Variants in CRYBG3 observed in about 807,000 individuals in gnomAD.
CRYBG3 encodes the protein crystallin beta-gamma domain containing 3, also known as very large A-kinase anchor protein.
Under a neutral mutation model 244.2 loss-of-function variants are expected in CRYBG3, and 127 were observed. The observed-to-expected ratio is 0.52, with a 90% CI of 0.45 to 0.60. The LOEUF (loss-of-function observed/expected upper bound fraction) is 0.60, where lower values mean the gene tolerates loss of function less well. CRYBG3 is among the 20% of genes least tolerant of loss of function. The probability of loss-of-function intolerance (pLI) is 0.00; values close to 1 mark genes in which losing one functional copy is unlikely to be tolerated. For synonymous variants in CRYBG3, 1,132 were observed against 1,195.8 expected (o/e 0.95, Z 1.10); for missense variants, 3,325 against 3,442.5 (o/e 0.97, Z 0.85).
At chr3:97,860,770 A>G (rs572237111) in intron 2 of CRYBG3, among the ~76,000 whole-genome samples, 8 of 152,042 alleles carry the variant, frequency 5.3e-5, no homozygotes, top group African/African-American at 1.7e-4. Flanking sequence ...GACCTCCTCT[A>G]TCTCTTTCAC....
intron 3 of CRYBG3, among the ~76,000 whole-genome samples, chr3:97,869,978 G>T (rs533019568): frequency 9.2e-5 from 14 of 152,128 alleles, no homozygotes; most frequent in African/African-American, 3.4e-4. Context: ...TTTAAAGTTG[G>T]CAATAAAATG....
Position 97,912,286 on chromosome 3 carries a change from CT to C in CRYBG3, c.8114+12del. 1 of 1,419,784 alleles carries C rather than the reference CT, an allele frequency of 7.0e-7. No individual in the cohort carries two copies. The highest frequency in any genetic ancestry group is 9.8e-7 in the Non-Finnish European group (1 of 1,018,372). The allele number at this position is 1,419,784 out of a possible 1,614,324, so 87.9% of individuals were successfully genotyped here. A position where few individuals can be genotyped will look rare whatever the true frequency, so the allele number is the denominator to read the frequency against. ...AAGTTCTTCGAGGTTGGTAAGTATGCTTACTTAGTGGTTTCTGCTGTTATTT... is the reference window on the plus strand; with the variant it reads ...AAGTTCTTCGAGGTTGGTAAGTATGCTACTTAGTGGTTTCTGCTGTTATTT... On this transcript the variant is annotated intron_variant, in intron 16 of 21. Transcript: ENST00000389622.
intron 17 of CRYBG3, among the ~76,000 whole-genome samples, chr3:97,919,440 G>T (rs1410168165): frequency 6.6e-6 from 1 of 152,032 alleles, no homozygotes; most frequent in African/African-American, 2.4e-5. Context: ...TCTTCTCAGA[G>T]ATATATATCT....
chr3:97,879,804 C>G, intron 5 of CRYBG3, 56 bp downstream of exon 5: 1 of 1,294,472 alleles, frequency 7.7e-7, no homozygotes, highest in Non-Finnish European at 1.1e-6. Context: ...AACTTTCAGG[C>G]TTGAGGAATT....
rs550525078 is a variant in CRYBG3 at position 97,934,844 on chromosome 3, C to T, written c.8381+1011C>T. On this transcript the variant is annotated intron_variant, in intron 18 of 21. Transcript: ENST00000389622. ...TTACATCCCTGTGATATAGGTCTTT[C>T]ACAACATTTTAATTCATTTCTTCCC... Among the ~76,000 whole-genome samples, 5 of 152,182 alleles carry T rather than the reference C, an allele frequency of 3.3e-5. No homozygotes were observed. The South Asian group carries it at 1.0e-3, about 32-fold the overall frequency.
chr3:97,862,477 T>C (rs2039164757), intron 2 of CRYBG3, among the ~76,000 whole-genome samples: 1 of 152,184 alleles, frequency 6.6e-6, no homozygotes, highest in Non-Finnish European at 1.5e-5. Context: ...TACTGTTCTT[T>C]TCATGTTCCA....
intron 18 of CRYBG3, among the ~76,000 whole-genome samples, chr3:97,934,979 T>C (rs527533114): frequency 3.9e-5 from 6 of 152,188 alleles, no homozygotes; most frequent in African/African-American, 1.4e-4. Flanking sequence ...TTATTTCTTC[T>C]CTTTGGCTTA....
chr3:97,910,355 C>T (rs62264219), intron 15 of CRYBG3, among the ~76,000 whole-genome samples: 9 of 152,064 alleles, frequency 5.9e-5, no homozygotes, highest in African/African-American at 9.7e-5. Context: ...GCCTGGCTGC[C>T]GCCTTGCAGT....
At chr3:97,904,862 A>C (rs1391353501) in intron 15 of CRYBG3, among the ~76,000 whole-genome samples, 1 of 149,590 alleles carries the variant, frequency 6.7e-6, no homozygotes, top group African/African-American at 2.4e-5. Flanking sequence ...AGCATTAGGT[A>C]TATCTCCCAA....
chr3:97,876,096 T>C lies in CRYBG3; in HGVS notation c.4902T>C (p.Ile1634=), dbSNP rs1305526364. 9 of 1,231,862 alleles carry C rather than the reference T, an allele frequency of 7.3e-6. No homozygotes were observed. The highest frequency in any genetic ancestry group is 9.1e-6 in the Non-Finnish European group (9 of 987,912). The allele number at this position is 1,231,862 out of a possible 1,614,324, so 76.3% of individuals were successfully genotyped here. ...ATACTGAAGGGGATATTGGCAAAAT[T>C]GAGGTGATACCTATGATGCCAGAAG... ...MKDTEGDIGK[I]EVIPMMPEVK... is the part of the protein sequence containing the mutation. Residue 1634 remains isoleucine (I), a synonymous_variant, in exon 4 of 22, where the codon ATT becomes ATC. Coordinates refer to ENST00000389622, the MANE Select transcript of CRYBG3 (RefSeq NM_153605.4).
At chr3:97,878,167 T>G (rs890093294) in intron 4 of CRYBG3, 130 bp downstream of exon 4, 14 of 781,088 alleles carry the variant, frequency 1.8e-5, no homozygotes, top group Non-Finnish European at 2.2e-5. Context: ...TCCTGGCACT[T>G]TGGGAGGCCG....
At chr3:97,844,222 T>C (rs1468174017) in intron 2 of CRYBG3, among the ~76,000 whole-genome samples, 1 of 152,206 alleles carries the variant, frequency 6.6e-6, no homozygotes, top group Non-Finnish European at 1.5e-5. Context: ...TTTCCTTTCT[T>C]CACTCCTTTG....
In CRYBG3 at chr3:97,897,738, T is replaced by C. The variant is rs187518448; in HGVS notation, c.7702-1145T>C. Among the ~76,000 whole-genome samples, 9 of 152,350 alleles carry C rather than the reference T, an allele frequency of 5.9e-5. No homozygotes were observed. The East Asian group carries it at 1.2e-3, about 20-fold the overall frequency. ...CTATTGTAAATAATGCATTTTTGCA[T>C]ACAAGTTTCTCACCATTTAGTTCCC... On this transcript the variant is annotated intron_variant, in intron 12 of 21. Coordinates refer to ENST00000389622, the MANE Select transcript of CRYBG3 (RefSeq NM_153605.4).
At chr3:97,870,804 A>G in intron 3 of CRYBG3, among the ~76,000 whole-genome samples, 1 of 152,210 alleles carries the variant, frequency 6.6e-6, no homozygotes, top group East Asian at 1.9e-4. Context: ...GGGGCACTTA[A>G]AAACAGAAAG....
At chr3:97,940,609 T>C (rs1313758324) in intron 19 of CRYBG3, among the ~76,000 whole-genome samples, 1 of 152,004 alleles carries the variant, frequency 6.6e-6, no homozygotes, top group Non-Finnish European at 1.5e-5. Flanking sequence ...AGTATAGTCA[T>C]TAAACATACA....
At chr3:97,902,320 T>C (rs1374734622) in intron 15 of CRYBG3, among the ~76,000 whole-genome samples, 2 of 152,078 alleles carry the variant, frequency 1.3e-5, no homozygotes, top group African/African-American at 4.8e-5. Flanking sequence ...TTAATATACA[T>C]TATGAGTGTT....
At chr3:97,920,301 G>T (rs981394214) in intron 17 of CRYBG3, among the ~76,000 whole-genome samples, 4 of 150,464 alleles carry the variant, frequency 2.7e-5, no homozygotes, top group African/African-American at 9.8e-5. Context: ...CCTATTCTTG[G>T]CCTTTCCTCT....
In CRYBG3 at chr3:97,895,433, C is replaced by A. The variant is rs557428576; in HGVS notation, c.7575-526C>A. 1.3e-5 allele frequency among the ~76,000 whole-genome samples: 2 copies of A among 152,102 alleles called. 1 individual carries two copies. Among genetic ancestry groups the A allele is most frequent in the Admixed American group, 1.3e-4 (2 of 15,268 alleles). Reference sequence around the variant, plus strand: ...GCCCTGAAGCTAATAATAGCTCAGTCGAATTTCTTGGTTCCTCTTTGATAA... The same window carrying A: ...GCCCTGAAGCTAATAATAGCTCAGTAGAATTTCTTGGTTCCTCTTTGATAA... On this transcript the variant is annotated intron_variant, in intron 11 of 21. Transcript: ENST00000389622.
At chr3:97,900,537 A>T in intron 15 of CRYBG3, 52 bp downstream of exon 15, 1 of 1,098,410 alleles carries the variant, frequency 9.1e-7, no homozygotes, top group South Asian at 1.4e-5. Flanking sequence ...AAAAGCATTT[A>T]TACCCTTTCT....
Sources: allele counts gnomAD v4.1 joint callset (sites outside exome capture counted in the v4.1 genomes callset), GRCh38; gene constraint gnomAD v4.1.1; transcripts MANE v1.5; gene names NCBI Gene and HGNC (gene_info 2026-07-23, HGNC 2026-07-21).